The following STK39 variants were observed in gnomAD, a reference collection of about 807,000 sequenced individuals.
STK39 encodes STE20/SPS1-related proline-alanine-rich protein kinase.
Under a neutral mutation model 77.8 loss-of-function variants are expected in STK39, and 20 were observed. That is an observed-to-expected ratio of 0.26 (90% CI 0.18 to 0.37). STK39 has a LOEUF of 0.37. Ranked by LOEUF, STK39 falls within the 10% of genes least tolerant of loss-of-function variation. STK39 has a pLI of 1.00. For missense variants in STK39, 479 were observed against 656.5 expected (o/e 0.73, Z 2.95); for synonymous variants, 246 against 234.1 (o/e 1.05, Z -0.47).
chr2:168,227,892 A>C (rs1015866747), intron 1 of STK39, among the ~76,000 whole-genome samples: 5 of 152,002 alleles, frequency 3.3e-5, no homozygotes, highest in Non-Finnish European at 5.9e-5. Context: ...CTCCTGACCT[A>C]ATGATCCGCC....
intron 10 of STK39, among the ~76,000 whole-genome samples, chr2:168,106,504 T>C (rs1686977916): frequency 6.6e-6 from 1 of 152,216 alleles, no homozygotes; most frequent in South Asian, 2.1e-4. Flanking sequence ...ACTATATTAG[T>C]TACATGTGGG....
At chr2:168,131,066 T>A (rs1375114593) in intron 8 of STK39, among the ~76,000 whole-genome samples, 1 of 152,216 alleles carries the variant, frequency 6.6e-6, no homozygotes, top group African/African-American at 2.4e-5. Context: ...GCTCTTCATT[T>A]TCTTAGGTGT....
At chr2:168,161,604 T>C (rs907160143) in intron 5 of STK39, among the ~76,000 whole-genome samples, 183 bp downstream of exon 5, 7 of 152,222 alleles carry the variant, frequency 4.6e-5, no homozygotes, top group African/African-American at 1.7e-4. Flanking sequence ...TTTCACAGGA[T>C]GATCTAATGA....
chr2:168,012,559 G>A (rs1172900203), intron 16 of STK39, 75 bp downstream of exon 16: 16 of 1,154,848 alleles, frequency 1.4e-5, no homozygotes, highest in Non-Finnish European at 1.9e-5. Flanking sequence ...ATTCCTTAAT[G>A]AACACTTTTG....
chr2:168,200,783 T>C (rs1689594402), intron 1 of STK39, among the ~76,000 whole-genome samples: 1 of 152,220 alleles, frequency 6.6e-6, no homozygotes, highest in Admixed American at 6.5e-5. Context: ...AACCATTACA[T>C]GTTTACCTTT....
rs1685797733 is a variant in STK39, at chr2:168,066,446, A to T, written c.1243-1065T>A. ...GAAAATGACTACGTTAGAAGAACAA[A>T]ACAACCTGTATTCATTAACCAGCCA... On this transcript the variant is annotated intron_variant, in intron 12 of 17. Coordinates refer to ENST00000355999, the MANE Select transcript of STK39 (RefSeq NM_013233.3). Among the ~76,000 whole-genome samples the T allele has an allele frequency of 2.0e-5, 3 of 152,322 alleles. No individual in the cohort carries two copies. In the South Asian group the frequency reaches 6.2e-4, roughly 32 times the overall value.
intron 14 of STK39, among the ~76,000 whole-genome samples, chr2:168,058,383 C>G (rs1685579489): frequency 6.6e-6 from 1 of 152,176 alleles, no homozygotes; most frequent in Admixed American, 6.5e-5. Context: ...TGGATGCTTA[C>G]CTATGCAACA....
intron 14 of STK39, among the ~76,000 whole-genome samples, chr2:168,054,662 C>A (rs1204358190): frequency 8.0e-6 from 1 of 125,322 alleles, no homozygotes; most frequent in Non-Finnish European, 1.7e-5. Flanking sequence ...AAACAAATGT[C>A]GTCTTTTCAG....
chr2:167,992,758 T>C (rs1335956371), intron 16 of STK39, among the ~76,000 whole-genome samples: 1 of 152,210 alleles, frequency 6.6e-6, no homozygotes, highest in Non-Finnish European at 1.5e-5. Context: ...TAATTAAGGT[T>C]GAATTTCTGC....
intron 12 of STK39, among the ~76,000 whole-genome samples, chr2:168,070,578 A>G (rs1162334974): frequency 6.8e-6 from 1 of 147,500 alleles, no homozygotes; most frequent in African/African-American, 2.5e-5. Context: ...TATATCTCCT[A>G]ATGCTATCCC....
intron 1 of STK39, among the ~76,000 whole-genome samples, chr2:168,185,336 G>A (rs1018275224): frequency 3.9e-5 from 6 of 152,096 alleles, no homozygotes; most frequent in Admixed American, 2.0e-4. Context: ...AATCTTTTCA[G>A]TTCACTCTTT....
At chr2:168,100,351 G>A (rs78419834) in intron 10 of STK39, among the ~76,000 whole-genome samples, 1 of 152,164 alleles carries the variant, frequency 6.6e-6, no homozygotes, top group African/African-American at 2.4e-5. Context: ...CTGGGTTCTA[G>A]TTTAGCCAAA....
intron 2 of STK39, among the ~76,000 whole-genome samples, chr2:168,171,034 T>C (rs1574524185): frequency 6.6e-6 from 1 of 152,336 alleles, no homozygotes; most frequent in Admixed American, 6.5e-5. Flanking sequence ...AGTGGCTCCC[T>C]TGGAAACCGA....
intron 1 of STK39, among the ~76,000 whole-genome samples, chr2:168,205,955 T>C (rs1476854697): frequency 6.6e-6 from 1 of 152,238 alleles, no homozygotes; most frequent in African/African-American, 2.4e-5. Context: ...TATAATCCCT[T>C]ATCTTGGCAA....
intron 1 of STK39, among the ~76,000 whole-genome samples, chr2:168,235,260 G>A (rs1051983478): frequency 2.6e-5 from 4 of 151,990 alleles, no homozygotes; most frequent in Admixed American, 2.0e-4. Context: ...GGCTGGTCTC[G>A]AACTCCTGAC....
chr2:168,235,218 T>C (rs1157923075), intron 1 of STK39, among the ~76,000 whole-genome samples: 2 of 152,066 alleles, frequency 1.3e-5, no homozygotes, highest in Non-Finnish European at 2.9e-5. Context: ...TTCTGTATTT[T>C]TAGTAGAGAC....
intron 1 of STK39, among the ~76,000 whole-genome samples, chr2:168,186,207 A>T (rs1477865940): frequency 6.6e-6 from 1 of 152,172 alleles, no homozygotes; most frequent in Non-Finnish European, 1.5e-5. Context: ...ACACAGCAAG[A>T]AGGTGCCTGT....
Position 168,017,044 on chromosome 2 carries a change from T to C in STK39, c.1428A>G (p.Arg476=). The change falls in exon 15 of 18, where the codon AGA becomes AGG. Residue 476 remains arginine (R), a splice_region_variant and synonymous_variant. Transcript: ENST00000355999. ...ATAATAACTTCAATTAAAACTTACC[T>C]CTTCCTGGAGTAAACTCAAATCGTA... is the stretch of plus-strand genomic sequence containing the variant. ...NDIRFEFTPG[R]DTADGVSQEL... The C allele has an allele frequency of 6.2e-7, 1 of 1,603,676 alleles. No individual in the cohort carries two copies. The highest frequency in any genetic ancestry group is 8.5e-7 in the Non-Finnish European group (1 of 1,174,936).
At position 168,203,904 on chromosome 2, in the gene STK39, C is replaced by T. The variant is rs553361465; in HGVS notation, c.209-21814G>A. On this transcript the variant is annotated intron_variant, in intron 1 of 17. Coordinates refer to ENST00000355999, the MANE Select transcript of STK39 (RefSeq NM_013233.3). Reference sequence around the variant, plus strand: ...CCACCGCACCCAGCCAGAGCTGAGTCGTCTTATCACTTAAAATGGTGTTGA... The same window carrying T: ...CCACCGCACCCAGCCAGAGCTGAGTTGTCTTATCACTTAAAATGGTGTTGA... Among the ~76,000 whole-genome samples, 5 of 152,282 alleles carry T rather than the reference C, an allele frequency of 3.3e-5. No individual in the cohort carries two copies. The South Asian group carries it at 1.0e-3, about 32-fold the overall frequency.
Sources: allele counts gnomAD v4.1 joint callset (sites outside exome capture counted in the v4.1 genomes callset), GRCh38; gene constraint gnomAD v4.1.1; transcripts MANE v1.5; gene names NCBI Gene and HGNC (gene_info 2026-07-23, HGNC 2026-07-21).